PTBP2: variants seen among roughly 807,000 people sequenced by gnomAD.
The protein encoded by PTBP2 is polypyrimidine tract binding protein 2, also known as polypyrimidine tract-binding protein 2.
In PTBP2, 13 loss-of-function variants were observed where a neutral mutation model predicts 61.4. The observed-to-expected ratio is 0.21, with a 90% CI of 0.14 to 0.34. The LOEUF is 0.34. Ranked by LOEUF, PTBP2 falls within the 10% of genes least tolerant of loss-of-function variation. The pLI, the probability that PTBP2 is intolerant of heterozygous loss-of-function variation, is 1.00. For missense variants in PTBP2, 405 were observed against 642.6 expected (o/e 0.63, Z 4.00); for synonymous variants, 215 against 218.5 (o/e 0.98, Z 0.14).
chr1:96,721,977 C>A (rs1376826717), intron 1 of PTBP2, 105 bp downstream of exon 1: 5 of 1,465,352 alleles, frequency 3.4e-6, no homozygotes, highest in Non-Finnish European at 4.7e-6. Flanking sequence ...CCTCCCAGGG[C>A]TGGGCTGCCG....
At chr1:96,776,322 A>G (rs899642426) in intron 5 of PTBP2, among the ~76,000 whole-genome samples, 11 of 151,834 alleles carry the variant, frequency 7.2e-5, no homozygotes, top group African/African-American at 7.3e-5. Context: ...CCAATTTACA[A>G]TTATTTTTTC....
Position 96,777,709 on chromosome 1 carries a change from A to G in PTBP2, c.557A>G (p.Asp186Gly). The G allele has an allele frequency of 6.2e-7, 1 of 1,612,426 alleles. No individual in the cohort carries two copies. The highest frequency in any genetic ancestry group is 1.7e-4 in the Middle Eastern group (1 of 6,052). ...AQSPVLRIII[D>G]NMYYPVTLDV... ...AGTCCAGTACTTAGAATAATTATTG[A>G]CAACATGTACTACCCTGTAACACTT... is the stretch of plus-strand genomic sequence containing the variant. The change falls in exon 6 of 14, where the codon GAC (aspartate) becomes GGC (glycine). Residue 186 changes from aspartate to glycine, a missense_variant. By Grantham distance (94) the Asp-to-Gly change is moderately conservative (BLOSUM62 -1). Coordinates refer to ENST00000674951, the MANE Select transcript of PTBP2 (RefSeq NM_021190.4).
exon 14 of PTBP2, chr1:96,820,217 G>T (rs1662638229): frequency 6.6e-6 from 1 of 151,948 alleles, no homozygotes; most frequent in Admixed American, 6.6e-5. Flanking sequence ...GGTGGGGGCA[G>T]TTTTTGGCAT....
intron 3 of PTBP2, among the ~76,000 whole-genome samples, chr1:96,761,873 A>G (rs566960843): frequency 6.6e-5 from 10 of 152,246 alleles, no homozygotes; most frequent in African/African-American, 2.4e-4. Context: ...TTTCCTAGGC[A>G]GAGGACCCTG....
intron 7 of PTBP2, among the ~76,000 whole-genome samples, chr1:96,778,466 G>A (rs2101046221): frequency 6.6e-6 from 1 of 151,716 alleles, no homozygotes; most frequent in South Asian, 2.1e-4. Flanking sequence ...TGTTACATAT[G>A]GAGGATGTAA....
chr1:96,745,757 C>T (rs1465734993), intron 2 of PTBP2, among the ~76,000 whole-genome samples: 1 of 151,826 alleles, frequency 6.6e-6, no homozygotes, highest in African/African-American at 2.4e-5. Context: ...GGTTGATGGA[C>T]ATTTGAATAT....
chr1:96,752,071 A>G (rs1654619654), intron 3 of PTBP2, among the ~76,000 whole-genome samples: 1 of 152,052 alleles, frequency 6.6e-6, no homozygotes, highest in Non-Finnish European at 1.5e-5. Context: ...ATATGTCTGA[A>G]ATAATGTTGT....
chr1:96,722,520 G>A (rs1041281284), intron 1 of PTBP2, among the ~76,000 whole-genome samples: 6 of 152,070 alleles, frequency 3.9e-5, no homozygotes, highest in Non-Finnish European at 8.8e-5. Context: ...GTCTGGTAGT[G>A]GGGGCGGGAG....
At chr1:96,780,740 A>G (rs141294816) in intron 7 of PTBP2, among the ~76,000 whole-genome samples, 2 of 152,022 alleles carry the variant, frequency 1.3e-5, no homozygotes. Context: ...TTCACATCAC[A>G]TTTTCTAGCT....
intron 2 of PTBP2, among the ~76,000 whole-genome samples, chr1:96,732,645 G>A (rs1367685819): frequency 6.6e-6 from 1 of 152,188 alleles, no homozygotes; most frequent in Non-Finnish European, 1.5e-5. Flanking sequence ...AGGACTCAAG[G>A]TTTTAATTAA....
intron 8 of PTBP2, among the ~76,000 whole-genome samples, chr1:96,802,938 C>T (rs371345586): frequency 5.9e-5 from 9 of 152,076 alleles, no homozygotes; most frequent in South Asian, 2.1e-4. Context: ...AATAGTATTA[C>T]AATATGGGGA....
chr1:96,818,668 CAA>C (rs1485784064), downstream of PTBP2: 33 of 152,036 alleles, frequency 2.2e-4, no homozygotes, highest in African/African-American at 7.5e-4. Flanking sequence ...GAGAAGCACT[CAA>C]TGCATTTTTT....
chr1:96,723,552 T>C lies in PTBP2; in HGVS notation c.9-12T>C. On this transcript the variant is annotated splice_polypyrimidine_tract_variant and intron_variant, in intron 1 of 13. Transcript: ENST00000674951. The stretch of plus-strand genomic sequence containing the variant: ...TAACAGGAGGTTGAAACTACTTATT[T>C]TTTCTTTGCAGAATCGTCACTGAGG... 1 of 1,566,184 alleles carries C rather than the reference T, an allele frequency of 6.4e-7. No individual in the cohort carries two copies. Among genetic ancestry groups the C allele is most frequent in the Non-Finnish European group, 8.7e-7 (1 of 1,146,752 alleles).
chr1:96,759,775 A>G (rs1325282199), intron 3 of PTBP2, among the ~76,000 whole-genome samples: 1 of 152,232 alleles, frequency 6.6e-6, no homozygotes, highest in Non-Finnish European at 1.5e-5. Flanking sequence ...GTGTATCAAT[A>G]CATGCATATG....
downstream of PTBP2, chr1:96,818,679 T>C (rs540837839): frequency 6.6e-6 from 1 of 152,234 alleles, no homozygotes; most frequent in East Asian, 1.9e-4. Flanking sequence ...AATGCATTTT[T>C]TCAGTTCTAT....
chr1:96,728,048 G>T (rs186021631), intron 2 of PTBP2, among the ~76,000 whole-genome samples: 1 of 152,080 alleles, frequency 6.6e-6, no homozygotes, highest in African/African-American at 2.4e-5. Flanking sequence ...GGAGTGCAGT[G>T]GTGCAATCGT....
At chr1:96,818,572 TAGG>T (rs955565983), downstream of PTBP2, 2 of 152,110 alleles carry the variant, frequency 1.3e-5, no homozygotes, top group Non-Finnish European at 2.9e-5. Context: ...TAGTATCACC[TAGG>T]AGTTTATTAG....
chr1:96,729,487 T>C (rs1475763490), intron 2 of PTBP2, among the ~76,000 whole-genome samples: 2 of 152,192 alleles, frequency 1.3e-5, no homozygotes, highest in Non-Finnish European at 2.9e-5. Flanking sequence ...GCTCCTGATA[T>C]TAGGGTGAGA....
intron 3 of PTBP2, among the ~76,000 whole-genome samples, chr1:96,754,238 T>G (rs1654907768): frequency 6.6e-6 from 1 of 152,128 alleles, no homozygotes; most frequent in Non-Finnish European, 1.5e-5. Flanking sequence ...TGGCATAACT[T>G]GGCTCTACAG....
Sources: allele counts gnomAD v4.1 joint callset (sites outside exome capture counted in the v4.1 genomes callset), GRCh38; gene constraint gnomAD v4.1.1; transcripts MANE v1.5; gene names NCBI Gene and HGNC (gene_info 2026-07-23, HGNC 2026-07-21).